Variants in FYB2 observed in about 807,000 individuals in gnomAD.
The protein encoded by FYB2 is FYN-binding protein 2.
Under a neutral mutation model 94.1 loss-of-function variants are expected in FYB2, and 103 were observed. The ratio of observed to expected loss-of-function variants is 1.09; its 90% CI spans 0.93 to 1.29. The LOEUF is 1.29. Ranked by LOEUF, FYB2 falls within the 50% of genes most tolerant of loss-of-function variation. The probability of loss-of-function intolerance (pLI) is 0.00; values close to 1 mark genes in which losing one functional copy is unlikely to be tolerated. For missense variants in FYB2, 896 were observed against 841.5 expected (o/e 1.06, Z -0.80); for synonymous variants, 293 against 287.9 (o/e 1.02, Z -0.18).
At chr1:56,729,237 T>A (rs1428352581) in intron 15 of FYB2, among the ~76,000 whole-genome samples, 1 of 152,052 alleles carries the variant, frequency 6.6e-6, no homozygotes, top group Non-Finnish European at 1.5e-5. Flanking sequence ...TAAACTGAAA[T>A]GGAGGTAAGA....
chr1:56,809,146 G>A (rs753070366), intron 1 of FYB2, among the ~76,000 whole-genome samples: 1 of 152,178 alleles, frequency 6.6e-6, no homozygotes, highest in African/African-American at 2.4e-5. Flanking sequence ...AGACTTCAGT[G>A]GTGACAGTGG....
At chr1:56,813,213 C>T (rs547457157) in intron 1 of FYB2, among the ~76,000 whole-genome samples, 2 of 152,232 alleles carry the variant, frequency 1.3e-5, no homozygotes, top group East Asian at 1.9e-4. Flanking sequence ...TGTATTAGTC[C>T]GTTCTTACGC....
At chr1:56,782,867 A>T (rs1646040025) in intron 4 of FYB2, among the ~76,000 whole-genome samples, 1 of 152,124 alleles carries the variant, frequency 6.6e-6, no homozygotes, top group African/African-American at 2.4e-5. Flanking sequence ...TATCTCTGAC[A>T]CTTCTTAATG....
intron 15 of FYB2, among the ~76,000 whole-genome samples, chr1:56,733,881 T>C (rs1644769239): frequency 6.6e-6 from 1 of 152,208 alleles, no homozygotes; most frequent in Non-Finnish European, 1.5e-5. Flanking sequence ...GAGAATAATG[T>C]ATATTCTGTT....
chr1:56,753,378 AT>A (rs1645247195), intron 8 of FYB2, among the ~76,000 whole-genome samples: 1 of 152,134 alleles, frequency 6.6e-6, no homozygotes, highest in African/African-American at 2.4e-5. Context: ...ACATTATTTT[AT>A]CACCACAAAC....
chr1:56,771,930 G>A lies in FYB2; in HGVS notation c.954-3992C>T, dbSNP rs111450142. On this transcript the variant is annotated intron_variant, in intron 4 of 19. Coordinates refer to ENST00000343433, the MANE Select transcript of FYB2 (RefSeq NM_001004303.5). The stretch of plus-strand genomic sequence containing the variant: ...ATTTTCTAGTTTTTTTTGCATAGTT[G>A]CATATTTTCTAGAAAATATTTTGCA... Among the ~76,000 whole-genome samples the A allele has an allele frequency of 6.4e-3, 943 of 147,160 alleles. 9 individuals carry two copies. Among genetic ancestry groups the A allele is most frequent in the African/African-American group, 0.024 (896 of 37,280 alleles).
chr1:56,821,844 G>A (rs758543532), upstream of FYB2, among the ~76,000 whole-genome samples: 1 of 152,180 alleles, frequency 6.6e-6, no homozygotes, highest in Non-Finnish European at 1.5e-5. Flanking sequence ...TACATGGGAG[G>A]GTGAAGGCAG....
intron 1 of FYB2, among the ~76,000 whole-genome samples, chr1:56,814,714 C>T (rs183062811): frequency 6.6e-6 from 1 of 152,302 alleles, no homozygotes; most frequent in Non-Finnish European, 1.5e-5. Flanking sequence ...CAGGCCCAGT[C>T]TACTCTCCCA....
chr1:56,755,263 G>A (rs1157638451), intron 7 of FYB2, among the ~76,000 whole-genome samples: 3 of 152,212 alleles, frequency 2.0e-5, no homozygotes, highest in South Asian at 2.1e-4. Flanking sequence ...GGAGTAGGGA[G>A]GGGAGGATGA....
At chr1:56,803,711 C>T (rs984434472) in intron 1 of FYB2, among the ~76,000 whole-genome samples, 1 of 152,234 alleles carries the variant, frequency 6.6e-6, no homozygotes, top group Middle Eastern at 3.2e-3. Context: ...ACCGCCACCA[C>T]ACAGCTTTAT....
intron 1 of FYB2, among the ~76,000 whole-genome samples, chr1:56,794,471 A>G (rs534390752): frequency 7.9e-5 from 12 of 152,104 alleles, no homozygotes; most frequent in East Asian, 1.9e-4. Context: ...GACCATCTCC[A>G]TGGCAGTGAC....
upstream of FYB2, among the ~76,000 whole-genome samples, chr1:56,821,409 A>T (rs191097793): frequency 1.4e-4 from 22 of 152,292 alleles, no homozygotes. Flanking sequence ...CTTAAGAGCT[A>T]TGACTCTTGG....
chr1:56,764,464 AT>A (rs1176914197), intron 5 of FYB2, among the ~76,000 whole-genome samples: 4 of 145,618 alleles, frequency 2.7e-5, no homozygotes, highest in African/African-American at 1.0e-4. Context: ...ACTATTGTTT[AT>A]TTTTAAGTCA....
intron 15 of FYB2, among the ~76,000 whole-genome samples, chr1:56,731,738 C>CA (rs1297689276): frequency 1.3e-5 from 2 of 152,150 alleles, no homozygotes; most frequent in African/African-American, 4.8e-5. Context: ...GAATGAAGAA[C>CA]AAAACCATAT....
chr1:56,761,470 G>A (rs1174947351), intron 5 of FYB2, among the ~76,000 whole-genome samples: 1 of 152,130 alleles, frequency 6.6e-6, no homozygotes, highest in African/African-American at 2.4e-5. Context: ...ATGCAGAAGT[G>A]TAAACACAAG....
At chr1:56,739,077 G>A (rs564229696) in intron 13 of FYB2, among the ~76,000 whole-genome samples, 1 of 152,164 alleles carries the variant, frequency 6.6e-6, no homozygotes, top group South Asian at 2.1e-4. Flanking sequence ...GGTAGTGAGA[G>A]TAATTTTAGT....
At chr1:56,792,004 A>G in intron 2 of FYB2, 52 bp downstream of exon 2, 2 of 1,513,418 alleles carry the variant, frequency 1.3e-6, no homozygotes, top group Non-Finnish European at 1.8e-6. Context: ...TCAAGTAGAA[A>G]AACATGATGA....
At chr1:56,771,602 G>C (rs765954883) in intron 4 of FYB2, among the ~76,000 whole-genome samples, 11 of 152,152 alleles carry the variant, frequency 7.2e-5, no homozygotes, top group Non-Finnish European at 1.5e-4. Flanking sequence ...GCAGTTGAAG[G>C]GGACTAGAGT....
intron 1 of FYB2, among the ~76,000 whole-genome samples, chr1:56,802,964 A>T (rs565151555): frequency 6.6e-6 from 1 of 152,174 alleles, no homozygotes; most frequent in South Asian, 2.1e-4. Flanking sequence ...TCTCTATAAA[A>T]TCTCTTCCAT....
Sources: allele counts gnomAD v4.1 joint callset (sites outside exome capture counted in the v4.1 genomes callset), GRCh38; gene constraint gnomAD v4.1.1; transcripts MANE v1.5; gene names NCBI Gene and HGNC (gene_info 2026-07-23, HGNC 2026-07-21).